GRID2: variants seen among roughly 807,000 people sequenced by gnomAD.
The protein encoded by GRID2 is glutamate receptor ionotropic, delta-2.
A neutral mutation model predicts 114.8 loss-of-function variants in GRID2; 33 were observed. The observed-to-expected ratio is 0.29, with a 90% CI of 0.22 to 0.38. GRID2 has a LOEUF of 0.38. GRID2 is among the 10% of genes least tolerant of loss of function. The probability of loss-of-function intolerance (pLI) is 1.00; values close to 1 mark genes in which losing one functional copy is unlikely to be tolerated. For missense variants in GRID2, 1,184 were observed against 1,257.7 expected, an observed-to-expected ratio of 0.94 and a Z score of 0.89; for synonymous variants, 505 against 449.9, an observed-to-expected ratio of 1.12 and a Z score of -1.55.
chr4:93,238,454 C>A lies in GRID2; in HGVS notation c.1209C>A (p.Thr403=). Residue 403 remains threonine (T), a synonymous_variant, in exon 8 of 16, where the codon ACC becomes ACA. Coordinates refer to ENST00000282020, the MANE Select transcript of GRID2 (RefSeq NM_001510.4). ...ATGTCCACTTTGAAATCCTTGGAAC[C>A]AACTATGGAGAAGAGCTTGGCAGAG... is the stretch of plus-strand genomic sequence containing the variant. ...NPNVHFEILG[T]NYGEELGRGV... The A allele has an allele frequency of 6.2e-7, 1 of 1,609,740 alleles. No homozygotes were observed. The highest frequency in any genetic ancestry group is 8.5e-7 in the Non-Finnish European group (1 of 1,176,722).
chr4:93,372,743 A>G lies in GRID2; in HGVS notation c.1246-22864A>G, dbSNP rs564644699. 1.6e-4 allele frequency among the ~76,000 whole-genome samples: 25 copies of G among 152,302 alleles called. No individual in the cohort carries two copies. The South Asian group carries it at 4.8e-3, about 29-fold the overall frequency. Reference sequence around the variant, plus strand: ...TATGTGCTTTAATAGCATTGGAATCAGACAGATCTTAAGCACAATACAATA... The same window carrying G: ...TATGTGCTTTAATAGCATTGGAATCGGACAGATCTTAAGCACAATACAATA... On this transcript the variant is annotated intron_variant, in intron 8 of 15. Coordinates refer to ENST00000282020, the MANE Select transcript of GRID2 (RefSeq NM_001510.4).
chr4:93,235,726 G>A (rs1746708066), intron 7 of GRID2, among the ~76,000 whole-genome samples: 1 of 152,032 alleles, frequency 6.6e-6, no homozygotes, highest in East Asian at 1.9e-4. Context: ...GTTGAGCAAG[G>A]TAAGTAAATG....
At chr4:92,491,518 A>G (rs1179765236) in intron 1 of GRID2, among the ~76,000 whole-genome samples, 2 of 152,182 alleles carry the variant, frequency 1.3e-5, no homozygotes, top group African/African-American at 2.4e-5. Flanking sequence ...GCTCAAAAAC[A>G]TTGGTGTTTT....
intron 1 of GRID2, among the ~76,000 whole-genome samples, chr4:92,511,235 G>A (rs1030181018): frequency 1.3e-5 from 2 of 151,716 alleles, no homozygotes; most frequent in Non-Finnish European, 2.9e-5. Flanking sequence ...GGCAAGAGTG[G>A]GAGCAAGAGA....
chr4:93,439,369 C>T (rs975443230), intron 10 of GRID2, among the ~76,000 whole-genome samples: 1 of 151,956 alleles, frequency 6.6e-6, no homozygotes, highest in Non-Finnish European at 1.5e-5. Context: ...AGCAGATGGA[C>T]ACTCCACAAC....
Position 92,388,877 on chromosome 4 carries a change from T to C in GRID2, c.88+84133T>C, listed in dbSNP as rs928784920. ...ACTGTAAGTATACAATTGGGAAATG[T>C]TAACAAGTGCTATGCAATTAAAAAA... On this transcript the variant is annotated intron_variant, in intron 1 of 15. Coordinates refer to ENST00000282020, the MANE Select transcript of GRID2 (RefSeq NM_001510.4). Among the ~76,000 whole-genome samples, 3 of 152,070 alleles carry C rather than the reference T, an allele frequency of 2.0e-5. No individual in the cohort carries two copies. The East Asian group carries it at 5.8e-4, about 29-fold the overall frequency.
chr4:92,975,156 C>CAAAAAAAAAAAAATAAAAAAAA (rs1753786325), intron 2 of GRID2, among the ~76,000 whole-genome samples: 1 of 46,692 alleles, frequency 2.1e-5, no homozygotes, highest in South Asian at 1.1e-3. Flanking sequence ...GATTCCGCCT[C>CAAAAAAAAAAAAATAAAAAAAA]AAAAAAAAAA....
chr4:92,450,805 A>G (rs1474794571), intron 1 of GRID2, among the ~76,000 whole-genome samples: 2 of 149,178 alleles, frequency 1.3e-5, no homozygotes, highest in African/African-American at 2.4e-5. Context: ...TAAATTTAAA[A>G]ATAAATTTTA....
chr4:93,630,863 T>G (rs1743179291), intron 14 of GRID2, among the ~76,000 whole-genome samples: 1 of 152,230 alleles, frequency 6.6e-6, no homozygotes, highest in Admixed American at 6.5e-5. Context: ...TATCCAGTTT[T>G]CTGGTCACTG....
rs181607729 is a variant in GRID2 at position 92,892,940 on chromosome 4, C to G, written c.245-192055C>G. Among the ~76,000 whole-genome samples, 631 of 152,186 alleles carry G rather than the reference C, an allele frequency of 4.1e-3. 8 individuals carry two copies. The highest frequency in any genetic ancestry group is 0.014 in the African/African-American group (594 of 41,542). On this transcript the variant is annotated intron_variant, in intron 2 of 15. Coordinates refer to ENST00000282020, the MANE Select transcript of GRID2 (RefSeq NM_001510.4). ...TAAAACAGCATGCAGCATTTCATTA[C>G]AGCAAACATGAAATATGAATTCTAA...
chr4:93,105,447 C>T (rs953915463), intron 3 of GRID2, among the ~76,000 whole-genome samples: 3 of 152,034 alleles, frequency 2.0e-5, no homozygotes, highest in East Asian at 1.9e-4. Flanking sequence ...TTAGGTCTAA[C>T]GTTTAAGTCT....
At position 92,411,655 on chromosome 4, in the gene GRID2, G is replaced by GTGTGTATATATATATATATATA; in HGVS notation, c.88+106912_88+106913insGTGTATATATATATATATATAT. On this transcript the variant is annotated intron_variant, in intron 1 of 15. Coordinates refer to ENST00000282020, the MANE Select transcript of GRID2 (RefSeq NM_001510.4). ...TGTGTGTGTGTGTGTGTGTGTGTGT[G>GTGTGTATATATATATATATATA]TATATATATATATATATATATATGA... Among the ~76,000 whole-genome samples, 116 of 84,620 alleles carry GTGTGTATATATATATATATATA rather than the reference G, an allele frequency of 1.4e-3. 1 individual carries two copies. The highest frequency in any genetic ancestry group is 4.8e-3 in the African/African-American group (82 of 17,048). 55.5% of individuals were successfully genotyped at this position (84,620 alleles called of 152,430 possible).
chr4:92,312,434 G>A (rs1725754473), intron 1 of GRID2, among the ~76,000 whole-genome samples: 1 of 152,034 alleles, frequency 6.6e-6, no homozygotes, highest in Admixed American at 6.6e-5. Flanking sequence ...ATCAGATTGT[G>A]GACATAATGT....
At chr4:93,782,580 AG>A (rs576682097) in intron 1 of GRID2, among the ~76,000 whole-genome samples, 192 of 152,198 alleles carry the variant, frequency 1.3e-3, no homozygotes, top group African/African-American at 4.1e-3. Flanking sequence ...ACACTTTAAA[AG>A]GTTAGCTTTT....
intron 11 of GRID2, among the ~76,000 whole-genome samples, chr4:93,489,908 T>C (rs1345111730): frequency 6.6e-6 from 1 of 151,890 alleles, no homozygotes; most frequent in Non-Finnish European, 1.5e-5. Flanking sequence ...TATCTATAGC[T>C]CTCTAGAAAG....
chr4:92,588,414 C>T (rs924725594), intron 1 of GRID2, among the ~76,000 whole-genome samples: 11 of 151,720 alleles, frequency 7.3e-5, no homozygotes, highest in African/African-American at 2.2e-4. Context: ...CGGTGGCTCA[C>T]GCCTGTAATG....
At chr4:93,554,878 G>T (rs1246657423) in intron 13 of GRID2, among the ~76,000 whole-genome samples, 1 of 152,074 alleles carries the variant, frequency 6.6e-6, no homozygotes, top group African/African-American at 2.4e-5. Flanking sequence ...GCAGAAGGCG[G>T]GTGACTTCTG....
At chr4:92,841,742 T>A (rs1363640726) in intron 2 of GRID2, among the ~76,000 whole-genome samples, 1 of 152,102 alleles carries the variant, frequency 6.6e-6, no homozygotes, top group African/African-American at 2.4e-5. Context: ...TGCTACCTTA[T>A]CACTAACAAT....
At chr4:93,728,328 T>G (rs1381645181) in intron 14 of GRID2, among the ~76,000 whole-genome samples, 5 of 152,232 alleles carry the variant, frequency 3.3e-5, no homozygotes, top group African/African-American at 1.2e-4. Flanking sequence ...AGTTCTAGTT[T>G]GATTGCTCTG....
Sources: allele counts gnomAD v4.1 joint callset (sites outside exome capture counted in the v4.1 genomes callset), GRCh38; gene constraint gnomAD v4.1.1; transcripts MANE v1.5; gene names NCBI Gene and HGNC (gene_info 2026-07-23, HGNC 2026-07-21).